CEP63: variants seen among roughly 807,000 people sequenced by gnomAD.
CEP63 encodes centrosomal protein of 63 kDa.
A neutral mutation model predicts 89.1 loss-of-function variants in CEP63; 84 were observed. That is an observed-to-expected ratio of 0.94 (90% CI 0.79 to 1.13). The LOEUF is 1.13. Among genes scored for constraint, CEP63 ranks in the 50% most tolerant of loss-of-function variants. The pLI, the probability that CEP63 is intolerant of heterozygous loss-of-function variation, is 0.00. For missense variants in CEP63, 838 were observed against 813.3 expected (o/e 1.03, Z -0.37); for synonymous variants, 267 against 272.5 (o/e 0.98, Z 0.20).
chr3:134,536,939 T>A, intron 5 of CEP63: 1 of 536,222 alleles, frequency 1.9e-6, no homozygotes, highest in Non-Finnish European at 3.4e-6. Flanking sequence ...ATCAGGGTGT[T>A]AAATTTAGAA....
At chr3:134,712,667 T>A in the CEP63 span, among the ~76,000 whole-genome samples, 2 of 152,352 alleles carry the variant, frequency 1.3e-5, no homozygotes, top group South Asian at 2.1e-4. Context: ...TGATCTGGTC[T>A]TGGCTTTTGC....
the CEP63 span, among the ~76,000 whole-genome samples, chr3:134,695,872 C>A: frequency 3.9e-5 from 6 of 152,178 alleles, no homozygotes; most frequent in African/African-American, 1.2e-4. Flanking sequence ...CTCAGTGAAT[C>A]CTCACTACAA....
In CEP63 at chr3:134,497,032, C is replaced by T. The variant is rs541086580; in HGVS notation, c.44+1668C>T. 2.1e-4 allele frequency among the ~76,000 whole-genome samples: 32 copies of T among 152,050 alleles called. 1 individual carries two copies. The highest frequency in any genetic ancestry group is 1.5e-5 in the Non-Finnish European group (1 of 68,008). On this transcript the variant is annotated intron_variant, in intron 2 of 14. Coordinates refer to ENST00000675561, the MANE Select transcript of CEP63 (RefSeq NM_001353108.3). ...TTTCCTGGTGATTTAGTGGTGTCGA[C>T]CATTTTTTCATACACCTTTTGGCCA...
the CEP63 span, among the ~76,000 whole-genome samples, chr3:134,613,821 A>G: frequency 6.6e-6 from 1 of 152,198 alleles, no homozygotes; most frequent in Non-Finnish European, 1.5e-5. Flanking sequence ...CTCTGTATGT[A>G]TAAGACGATG....
chr3:134,697,727 C>G, the CEP63 span, among the ~76,000 whole-genome samples: 1 of 152,326 alleles, frequency 6.6e-6, no homozygotes, highest in Non-Finnish European at 1.5e-5. Flanking sequence ...TGCTGATTCC[C>G]ACGTTCGTGT....
intron 3 of CEP63, among the ~76,000 whole-genome samples, chr3:134,520,449 G>A (rs1436021382): frequency 6.6e-6 from 1 of 152,270 alleles, no homozygotes; most frequent in East Asian, 1.9e-4. Context: ...TTCATGGATA[G>A]AAAGACTCAA....
chr3:134,514,093 C>A (rs1945642217), intron 3 of CEP63, among the ~76,000 whole-genome samples: 1 of 151,968 alleles, frequency 6.6e-6, no homozygotes, highest in South Asian at 2.1e-4. Context: ...ACACAGTTTA[C>A]AATAACAATG....
At chr3:134,492,989 GTAACT>G (rs1490758963) in intron 1 of CEP63, among the ~76,000 whole-genome samples, 9 of 151,998 alleles carry the variant, frequency 5.9e-5, no homozygotes, top group East Asian at 3.9e-4. Context: ...TGAACATTCA[GTAACT>G]TAACTTCTAA....
intron 14 of CEP63, among the ~76,000 whole-genome samples, chr3:134,560,912 A>G (rs1238014933): frequency 1.3e-5 from 2 of 152,224 alleles, no homozygotes; most frequent in Admixed American, 6.5e-5. Context: ...GAATTCTGAA[A>G]TATCACTAGC....
chr3:134,486,230 C>T (rs1161733060), intron 1 of CEP63, 28 bp downstream of exon 1: 9 of 985,314 alleles, frequency 9.1e-6, no homozygotes, highest in South Asian at 9.4e-5. Flanking sequence ...CAGGGGCGTG[C>T]TTGCGGCAAC....
intron 11 of CEP63, among the ~76,000 whole-genome samples, chr3:134,573,315 A>G (rs916053587): frequency 2.0e-5 from 3 of 152,018 alleles, no homozygotes; most frequent in Admixed American, 2.0e-4. Flanking sequence ...TTAGTCATAA[A>G]TTTTTTGCCT....
chr3:134,665,690 C>G, the CEP63 span, among the ~76,000 whole-genome samples: 4 of 99,272 alleles, frequency 4.0e-5, no homozygotes, highest in East Asian at 3.7e-4. Flanking sequence ...CACACACACA[C>G]ACACACACAC....
chr3:134,620,856 A>G, the CEP63 span: 20 of 1,604,158 alleles, frequency 1.2e-5, no homozygotes, highest in Non-Finnish European at 1.6e-5. Flanking sequence ...CTTGGCTGTC[A>G]CCTGGGGAGC....
downstream of CEP63, among the ~76,000 whole-genome samples, chr3:134,568,137 C>T (rs1577484954): frequency 6.6e-6 from 1 of 152,162 alleles, no homozygotes; most frequent in South Asian, 2.1e-4. Context: ...CTTTGACAGG[C>T]ATCCACTGTG....
chr3:134,630,553 C>A, the CEP63 span, among the ~76,000 whole-genome samples: 1 of 152,174 alleles, frequency 6.6e-6, no homozygotes, highest in African/African-American at 2.4e-5. Flanking sequence ...AAGGCAATTC[C>A]ATAAAGTTGT....
At position 134,550,200 on chromosome 3, in the gene CEP63, C is replaced by A. The variant is rs201717529; in HGVS notation, c.1320C>A (p.Asp440Glu). The A allele has an allele frequency of 3.1e-6, 5 of 1,614,040 alleles. No homozygotes were observed. In the East Asian group the frequency reaches 1.1e-4, roughly 36 times the overall value. Reference sequence around the variant, plus strand: ...CTTCCACCAAAGGTTCTTCCTCAGACATGGAAAAGCGACTCAGAGCAGAGA... The same window carrying A: ...CTTCCACCAAAGGTTCTTCCTCAGAAATGGAAAAGCGACTCAGAGCAGAGA... ...TIASTKGSSSDMEKRLRAEMQ... is the reference protein window; with the variant it reads ...TIASTKGSSSEMEKRLRAEMQ... Residue 440 changes from aspartate (D) to glutamate (E), a missense_variant, in exon 11 of 15, where the codon GAC becomes GAA. By Grantham distance (45) the Asp-to-Glu change is conservative. Transcript: ENST00000675561.
the CEP63 span, among the ~76,000 whole-genome samples, chr3:134,670,587 T>C: frequency 6.6e-6 from 1 of 152,238 alleles, no homozygotes; most frequent in East Asian, 1.9e-4. Context: ...CAGTGAAGTC[T>C]GATGACACCA....
intron 2 of CEP63, among the ~76,000 whole-genome samples, chr3:134,502,243 G>C (rs1942202727): frequency 6.6e-6 from 1 of 151,022 alleles, no homozygotes; most frequent in South Asian, 2.1e-4. Context: ...ATTTTGTTGA[G>C]GATTTTTGCA....
At chr3:134,646,612 G>A in the CEP63 span, among the ~76,000 whole-genome samples, 2 of 152,130 alleles carry the variant, frequency 1.3e-5, no homozygotes. Context: ...ATTGTCAGAA[G>A]GATGGTAGAA....
Sources: allele counts gnomAD v4.1 joint callset (sites outside exome capture counted in the v4.1 genomes callset), GRCh38; gene constraint gnomAD v4.1.1; transcripts MANE v1.5; gene names NCBI Gene and HGNC (gene_info 2026-07-23, HGNC 2026-07-21).